Variants in FGF9 observed in about 807,000 individuals in gnomAD.
FGF9 encodes fibroblast growth factor 9 (glia-activating factor).
A neutral mutation model predicts 19.9 loss-of-function variants in FGF9; 3 were observed. The observed-to-expected ratio is 0.15, with a 90% CI of 0.07 to 0.39. The LOEUF (loss-of-function observed/expected upper bound fraction) is 0.39. FGF9 is among the 10% of genes least tolerant of loss of function. The pLI is 1.00. For missense variants in FGF9, 175 were observed against 256.8 expected, an observed-to-expected ratio of 0.68 and a Z score of 2.18; for synonymous variants, 107 against 106.9, an observed-to-expected ratio of 1.00 and a Z score of -0.01.
At chr13:21,674,999 G>A (rs1871874455) in intron 1 of FGF9, among the ~76,000 whole-genome samples, 1 of 147,978 alleles carries the variant, frequency 6.8e-6, no homozygotes, top group African/African-American at 2.5e-5. Context: ...TCTCGGTACA[G>A]TGTTGCGGGG....
At chr13:21,673,847 GC>G (rs1871834440) in intron 1 of FGF9, among the ~76,000 whole-genome samples, 1 of 150,610 alleles carries the variant, frequency 6.6e-6, no homozygotes, top group South Asian at 2.1e-4. Context: ...GTCGGCAGGT[GC>G]CCGCTCGGCC....
chr13:21,699,544 T>C (rs1872491333), intron 2 of FGF9, among the ~76,000 whole-genome samples: 1 of 152,224 alleles, frequency 6.6e-6, no homozygotes, highest in African/African-American at 2.4e-5. Context: ...GGCCTCATGA[T>C]GGGCTGTTGA....
chr13:21,679,923 C>T (rs1332231569), intron 1 of FGF9, among the ~76,000 whole-genome samples: 2 of 147,974 alleles, frequency 1.4e-5, no homozygotes, highest in Admixed American at 1.4e-4. Flanking sequence ...CACCACTACA[C>T]TCCAGCCTGG....
intron 1 of FGF9, among the ~76,000 whole-genome samples, chr13:21,677,149 T>C (rs1871936626): frequency 6.6e-6 from 1 of 152,188 alleles, no homozygotes; most frequent in Admixed American, 6.5e-5. Context: ...ATCGACCCTG[T>C]GCTTCCCATG....
At chr13:21,674,362 G>C (rs1233025142) in intron 1 of FGF9, 7 of 132,492 alleles carry the variant, frequency 5.3e-5, no homozygotes, top group Non-Finnish European at 9.8e-5. Flanking sequence ...GGGTGGGGGG[G>C]ACAAAGGGCC....
At chr13:21,684,529 T>C (rs1872114808) in intron 2 of FGF9, among the ~76,000 whole-genome samples, 1 of 152,228 alleles carries the variant, frequency 6.6e-6, no homozygotes, top group South Asian at 2.1e-4. Flanking sequence ...AATCACCATC[T>C]TCCATTTCTA....
chr13:21,698,296 T>C (rs188672239), intron 2 of FGF9, among the ~76,000 whole-genome samples: 5 of 152,332 alleles, frequency 3.3e-5, no homozygotes, highest in Admixed American at 2.0e-4. Flanking sequence ...CTGTCCCATG[T>C]ATTTTAACTG....
chr13:21,686,651 T>C (rs1872165495), intron 2 of FGF9, among the ~76,000 whole-genome samples: 2 of 152,240 alleles, frequency 1.3e-5, no homozygotes, highest in African/African-American at 2.4e-5. Flanking sequence ...ATGAAATTTT[T>C]TGGAGTCAGA....
intron 2 of FGF9, among the ~76,000 whole-genome samples, chr13:21,682,014 CTT>C (rs1180691495): frequency 3.2e-4 from 46 of 142,114 alleles, no homozygotes; most frequent in Non-Finnish European, 2.9e-4. Context: ...TCTTTTCTTT[CTT>C]TTTTTTTTTT....
chr13:21,681,332 C>A (rs1020752281), intron 2 of FGF9, 187 bp downstream of exon 2: 6 of 501,208 alleles, frequency 1.2e-5, no homozygotes, highest in Non-Finnish European at 2.2e-5. Flanking sequence ...CTTCACTAGA[C>A]CAAAGTTGCT....
intron 2 of FGF9, among the ~76,000 whole-genome samples, chr13:21,690,071 C>T (rs1297709639): frequency 6.6e-6 from 1 of 152,210 alleles, no homozygotes; most frequent in African/African-American, 2.4e-5. Context: ...TCCTACTTCT[C>T]TCCAGGGTAG....
Position 21,703,106 on chromosome 13 carries a change from A to G in FGF9, c.*1671A>G, listed in dbSNP as rs1037116148. 6.6e-6 allele frequency: 1 copy of G among 152,394 alleles called. No homozygotes were observed. Among genetic ancestry groups the G allele is most frequent in the East Asian group, 1.9e-4 (1 of 5,190 alleles). The allele number at this position is 152,394 out of a possible 1,614,324, so 9.4% of individuals were successfully genotyped here. On this transcript the variant is annotated 3_prime_UTR_variant, in exon 3 of 3. Transcript: ENST00000382353. ...TTCTTAAAGCAATATTTAAGAAAAA[A>G]GGAATTTATAACAAATTCTCATCTA...
chr13:21,686,741 G>T (rs985774777), intron 2 of FGF9, among the ~76,000 whole-genome samples: 1 of 152,206 alleles, frequency 6.6e-6, no homozygotes, highest in South Asian at 2.1e-4. Flanking sequence ...GTAAATGTTT[G>T]TTGACCCAAT....
Position 21,701,334 on chromosome 13 carries a change from A to T in FGF9, c.526A>T (p.Thr176Ser). Reference protein sequence around the residue: ...LNKDGTPREGTRTKRHQKFTH... With the variant: ...LNKDGTPREGSRTKRHQKFTH... ...TAAAGATGGGACCCCGAGAGAAGGG[A>T]CTAGGACTAAACGGCACCAGAAATT... The change falls in exon 3 of 3, where the codon ACT (threonine) becomes TCT (serine). Residue 176 changes from threonine to serine, a missense_variant. Thr to Ser is a moderately conservative substitution (Grantham distance 58, BLOSUM62 1). Coordinates refer to ENST00000382353, the MANE Select transcript of FGF9 (RefSeq NM_002010.3). The T allele has an allele frequency of 1.2e-6, 2 of 1,614,024 alleles. No individual in the cohort carries two copies. The highest frequency in any genetic ancestry group is 4.5e-5 in the East Asian group (2 of 44,882).
rs1372434398 is a variant in FGF9, at chr13:21,703,339, C to T, written c.*1904C>T. ...ATGACTTATTGTGACGATGTCTTGC[C>T]TTTCTGTGGTCCAAGTTGGAGTACA... On this transcript the variant is annotated 3_prime_UTR_variant, in exon 3 of 3. Coordinates refer to ENST00000382353, the MANE Select transcript of FGF9 (RefSeq NM_002010.3). The T allele has an allele frequency of 1.3e-5, 2 of 152,178 alleles. No homozygotes were observed. Among genetic ancestry groups the T allele is most frequent in the Non-Finnish European group, 2.9e-5 (2 of 68,040 alleles). 9.4% of individuals were successfully genotyped at this position (152,178 alleles called of 1,614,324 possible).
intron 1 of FGF9, among the ~76,000 whole-genome samples, chr13:21,678,708 A>G (rs1871971051): frequency 6.6e-6 from 1 of 152,218 alleles, no homozygotes; most frequent in East Asian, 1.9e-4. Context: ...AGATCATCAC[A>G]TGCTCCCTTA....
chr13:21,680,332 T>C (rs921454370), intron 1 of FGF9, among the ~76,000 whole-genome samples: 1 of 152,354 alleles, frequency 6.6e-6, no homozygotes, highest in Non-Finnish European at 1.5e-5. Context: ...TTTAGTTTTC[T>C]AGATAGAGTT....
chr13:21,677,083 A>C (rs1871934214), intron 1 of FGF9, among the ~76,000 whole-genome samples: 2 of 152,156 alleles, frequency 1.3e-5, no homozygotes, highest in Admixed American at 1.3e-4. Flanking sequence ...CAATGAGCAT[A>C]TCCTCATTTG....
intron 2 of FGF9, among the ~76,000 whole-genome samples, chr13:21,696,651 A>G (rs1203346824): frequency 6.6e-6 from 1 of 152,210 alleles, no homozygotes; most frequent in East Asian, 1.9e-4. Flanking sequence ...GCACATCTAT[A>G]TAAGAATACA....
Sources: gnomAD v4.1 joint callset for allele counts (sites outside exome capture counted in the v4.1 genomes callset) on GRCh38, gnomAD v4.1.1 for gene constraint, MANE v1.5 for transcripts, NCBI Gene and HGNC (gene_info 2026-07-23, HGNC 2026-07-21) for gene names.